Variants in ZNF521 observed in about 807,000 individuals in gnomAD.
ZNF521 encodes the protein LYST-interacting protein 3.
ZNF521 carries 14 observed loss-of-function variants against 105.5 expected under a neutral mutation model. That is an observed-to-expected ratio of 0.13 (90% confidence interval 0.09 to 0.21). ZNF521 has a LOEUF of 0.21. Ranked by LOEUF, ZNF521 falls within the 10% of genes least tolerant of loss-of-function variation. ZNF521 has a pLI of 1.00. For missense variants in ZNF521, 1,233 were observed against 1,629.7 expected, an observed-to-expected ratio of 0.76 and a Z score of 4.19; for synonymous variants, 635 against 606.0, an observed-to-expected ratio of 1.05 and a Z score of -0.70.
intron 7 of ZNF521, among the ~76,000 whole-genome samples, chr18:25,064,729 G>C (rs1422117778): frequency 6.6e-6 from 1 of 152,158 alleles, no homozygotes; most frequent in African/African-American, 2.4e-5. Flanking sequence ...AACCAATTGG[G>C]GCTGCGTGCA....
At chr18:25,329,836 CAA>C (rs1191559170) in intron 2 of ZNF521, among the ~76,000 whole-genome samples, 1 of 152,088 alleles carries the variant, frequency 6.6e-6, no homozygotes, top group East Asian at 1.9e-4. Context: ...GACCTGGAAG[CAA>C]AGAGACCAAT....
intron 3 of ZNF521, among the ~76,000 whole-genome samples, chr18:25,257,930 T>C (rs1908634394): frequency 6.6e-6 from 1 of 152,148 alleles, no homozygotes; most frequent in African/African-American, 2.4e-5. Context: ...GAAGAACACA[T>C]TCACAGACAC....
chr18:25,076,496 A>G (rs2033365638), intron 7 of ZNF521, among the ~76,000 whole-genome samples: 1 of 152,224 alleles, frequency 6.6e-6, no homozygotes, highest in Admixed American at 6.5e-5. Flanking sequence ...TCCCTATGCA[A>G]TTGTTTTATA....
intron 3 of ZNF521, among the ~76,000 whole-genome samples, chr18:25,292,588 G>T (rs1911093861): frequency 6.6e-6 from 1 of 152,138 alleles, no homozygotes; most frequent in Non-Finnish European, 1.5e-5. Flanking sequence ...GTAAATAATG[G>T]CGTGTATCAT....
chr18:25,114,906 A>T (rs958970505), intron 5 of ZNF521, among the ~76,000 whole-genome samples: 1 of 152,218 alleles, frequency 6.6e-6, no homozygotes, highest in African/African-American at 2.4e-5. Flanking sequence ...TGCTTCAGAA[A>T]ATGTATGTGC....
In ZNF521 at chr18:25,224,492, G is replaced by C. The variant is rs1351477539; in HGVS notation, c.3426C>G (p.Ser1142Arg). The C allele has an allele frequency of 5.0e-6, 8 of 1,614,060 alleles. No individual in the cohort carries two copies. Among genetic ancestry groups the C allele is most frequent in the Admixed American group, 1.7e-5 (1 of 60,014 alleles). Residue 1142 changes from serine (S) to arginine (R), a missense_variant, in exon 4 of 8, where the codon AGC becomes AGG. Physicochemically the swap from Ser to Arg is moderately radical, Grantham distance 110. Coordinates refer to ENST00000361524, the MANE Select transcript of ZNF521 (RefSeq NM_015461.3). ...TTTCAGACTCAAACTTAACGTTGCAGCTAGAGCAGCGTGTCTTCAGTCCCC... is the reference window on the plus strand; with the variant it reads ...TTTCAGACTCAAACTTAACGTTGCACCTAGAGCAGCGTGTCTTCAGTCCCC... ...KVGGLKTRCS[S>R]CNVKFESESE...
intron 5 of ZNF521, among the ~76,000 whole-genome samples, chr18:25,097,582 T>A (rs1330008811): frequency 6.6e-6 from 1 of 151,916 alleles, no homozygotes; most frequent in African/African-American, 2.4e-5. Flanking sequence ...CTACGCCACA[T>A]GAGAGAGGAA....
chr18:25,285,215 G>C (rs1910631756), intron 3 of ZNF521, among the ~76,000 whole-genome samples: 1 of 152,156 alleles, frequency 6.6e-6, no homozygotes, highest in South Asian at 2.1e-4. Flanking sequence ...TCCGAATTCA[G>C]GTATTAGTAA....
intron 3 of ZNF521, among the ~76,000 whole-genome samples, chr18:25,235,094 T>C (rs1906797617): frequency 6.6e-6 from 1 of 152,104 alleles, no homozygotes; most frequent in Non-Finnish European, 1.5e-5. Context: ...CACTGGCCAG[T>C]TGTGATTAAT....
intron 3 of ZNF521, among the ~76,000 whole-genome samples, chr18:25,247,452 T>C (rs748886825): frequency 2.0e-5 from 3 of 152,226 alleles, no homozygotes; most frequent in Non-Finnish European, 2.9e-5. Context: ...AAAGAGGAAC[T>C]TGACCTTGGC....
chr18:25,316,778 A>G (rs1303190511), intron 3 of ZNF521, among the ~76,000 whole-genome samples: 1 of 151,950 alleles, frequency 6.6e-6, no homozygotes, highest in African/African-American at 2.4e-5. Flanking sequence ...CTGAACAACA[A>G]TAAACAGGAA....
intron 2 of ZNF521, among the ~76,000 whole-genome samples, chr18:25,337,315 A>C (rs1025353481): frequency 6.6e-6 from 1 of 152,170 alleles, no homozygotes; most frequent in African/African-American, 2.4e-5. Context: ...AAAAATAAAA[A>C]TTTGGAAGTT....
chr18:25,250,987 T>C (rs1377141864), intron 3 of ZNF521, among the ~76,000 whole-genome samples: 1 of 152,228 alleles, frequency 6.6e-6, no homozygotes, highest in South Asian at 2.1e-4. Flanking sequence ...TTTGACATCA[T>C]GTAAACGAAA....
chr18:25,328,230 T>C (rs565821525), intron 2 of ZNF521, among the ~76,000 whole-genome samples: 1 of 152,292 alleles, frequency 6.6e-6, no homozygotes, highest in East Asian at 1.9e-4. Flanking sequence ...TTTCTGTGGT[T>C]TTGCTTGATT....
intron 3 of ZNF521, among the ~76,000 whole-genome samples, chr18:25,284,490 T>C (rs897995992): frequency 4.6e-5 from 7 of 152,060 alleles, no homozygotes; most frequent in African/African-American, 1.7e-4. Flanking sequence ...AGTCATCTCA[T>C]CAGAAAGCAG....
intron 2 of ZNF521, among the ~76,000 whole-genome samples, chr18:25,342,408 G>GTT (rs756445552): frequency 2.5e-4 from 28 of 110,948 alleles, no homozygotes; most frequent in African/African-American, 6.9e-4. Context: ...TCTTTCCTTT[G>GTT]TTTTTTTTTT....
chr18:25,341,924 G>A (rs1186377645), intron 2 of ZNF521, among the ~76,000 whole-genome samples: 3 of 152,044 alleles, frequency 2.0e-5, no homozygotes, highest in Non-Finnish European at 4.4e-5. Flanking sequence ...GGGATAAGAC[G>A]GGCATCAAAA....
intron 2 of ZNF521, among the ~76,000 whole-genome samples, chr18:25,344,647 G>C (rs1461190051): frequency 6.6e-6 from 1 of 152,182 alleles, no homozygotes; most frequent in Admixed American, 6.5e-5. Flanking sequence ...CTACAGGTTT[G>C]ACGTGGAATA....
intron 3 of ZNF521, among the ~76,000 whole-genome samples, chr18:25,316,317 C>T (rs1384238776): frequency 2.6e-4 from 26 of 100,218 alleles, no homozygotes; most frequent in African/African-American, 8.2e-4. Flanking sequence ...AAAGGTAAAA[C>T]GAATTTAAAA....
Sources: allele counts gnomAD v4.1 joint callset (sites outside exome capture counted in the v4.1 genomes callset), GRCh38; gene constraint gnomAD v4.1.1; transcripts MANE v1.5; gene names NCBI Gene and HGNC (gene_info 2026-07-23, HGNC 2026-07-21).